The following DPP10 variants were observed in gnomAD, a reference collection of about 807,000 sequenced individuals.
The protein encoded by DPP10 is dipeptidyl peptidase like 10.
In DPP10, 33 loss-of-function variants were observed where a neutral mutation model predicts 120.9. That is an observed-to-expected ratio of 0.27 (90% CI 0.21 to 0.37). DPP10 has a LOEUF of 0.37. Among genes scored for constraint, DPP10 ranks in the 10% least tolerant of loss-of-function variants. The probability of loss-of-function intolerance (pLI) is 1.00; values close to 1 mark genes in which losing one functional copy is unlikely to be tolerated. For synonymous variants in DPP10, 337 were observed against 326.1 expected (o/e 1.03, Z -0.36); for missense variants, 816 against 942.8 (o/e 0.87, Z 1.76).
intron 19 of DPP10, chr2:115,814,583 G>C (rs1321810806): frequency 2.7e-6 from 1 of 372,364 alleles, no homozygotes; most frequent in Non-Finnish European, 4.7e-6. Context: ...ATTTCATTCA[G>C]GGAACTTTTC....
rs892237754 is a variant in DPP10, at chr2:115,196,318, C to T, written c.61-112921C>T. Among the ~76,000 whole-genome samples the T allele has an allele frequency of 4.6e-5, 7 of 152,158 alleles. No individual in the cohort carries two copies. In the East Asian group the frequency reaches 5.8e-4, roughly 13 times the overall value. ...TAACAGGACACAGTAACTTATGCTT[C>T]GTTTGAATTTTGCATCTGCCTGCTT... On this transcript the variant is annotated intron_variant, in intron 1 of 25. Coordinates refer to ENST00000410059, the MANE Select transcript of DPP10 (RefSeq NM_020868.6).
At chr2:114,518,833 G>T (rs1394801984) in intron 1 of DPP10, among the ~76,000 whole-genome samples, 2 of 152,192 alleles carry the variant, frequency 1.3e-5, no homozygotes, top group African/African-American at 2.4e-5. Flanking sequence ...CTATCTAATT[G>T]TGTGACCCTT....
At chr2:114,690,441 T>G (rs903091310) in intron 1 of DPP10, among the ~76,000 whole-genome samples, 4 of 152,106 alleles carry the variant, frequency 2.6e-5, no homozygotes, top group Non-Finnish European at 4.4e-5. Context: ...CATTGTTCTG[T>G]GTGTCTGTTC....
chr2:115,262,607 T>C (rs1172326201), intron 1 of DPP10, among the ~76,000 whole-genome samples: 5 of 152,152 alleles, frequency 3.3e-5, no homozygotes, highest in African/African-American at 9.6e-5. Context: ...ATAATTGATA[T>C]AAATAAAAAT....
rs74182886 is a variant in DPP10 at position 114,834,706 on chromosome 2, A to G, written c.60+391868A>G. On this transcript the variant is annotated intron_variant, in intron 1 of 25. Coordinates refer to ENST00000410059, the MANE Select transcript of DPP10 (RefSeq NM_020868.6). ...CTATGTATATATAAGACATATCTAC[A>G]CACCTATGTATATATAAGCCATGTC... 9.6e-4 allele frequency among the ~76,000 whole-genome samples: 101 copies of G among 104,940 alleles called. 23 individuals carry two copies. Among genetic ancestry groups the G allele is most frequent in the African/African-American group, 4.0e-3 (80 of 20,002 alleles). The allele number at this position is 104,940 out of a possible 152,430, so 68.8% of individuals were successfully genotyped here. A position where few individuals can be genotyped will look rare whatever the true frequency, so the allele number is the denominator to read the frequency against.
At chr2:115,232,107 C>T (rs1223059439) in intron 1 of DPP10, among the ~76,000 whole-genome samples, 1 of 152,150 alleles carries the variant, frequency 6.6e-6, no homozygotes, top group Non-Finnish European at 1.5e-5. Flanking sequence ...TTGTATTGTT[C>T]CAAACAAGTT....
At chr2:115,103,465 G>A (rs1328513977) in intron 1 of DPP10, among the ~76,000 whole-genome samples, 1 of 152,136 alleles carries the variant, frequency 6.6e-6, no homozygotes, top group Non-Finnish European at 1.5e-5. Flanking sequence ...TGGGATTACA[G>A]GCGTGGGCAA....
At chr2:115,456,305 A>G (rs2073536451) in intron 3 of DPP10, among the ~76,000 whole-genome samples, 1 of 152,290 alleles carries the variant, frequency 6.6e-6, no homozygotes, top group African/African-American at 2.4e-5. Flanking sequence ...AAAAGTCAGG[A>G]AACAACAGAT....
chr2:115,255,776 G>T (rs2058958011), intron 1 of DPP10, among the ~76,000 whole-genome samples: 1 of 152,128 alleles, frequency 6.6e-6, no homozygotes, highest in Non-Finnish European at 1.5e-5. Flanking sequence ...GACTACTGTG[G>T]CCTGGGCGTC....
chr2:114,526,756 T>TAG (rs1423430063), intron 1 of DPP10, among the ~76,000 whole-genome samples: 1 of 152,080 alleles, frequency 6.6e-6, no homozygotes, highest in African/African-American at 2.4e-5. Context: ...CTAATCCCAT[T>TAG]TATGAAGTCT....
At chr2:115,776,328 T>G (rs1682091791) in intron 13 of DPP10, among the ~76,000 whole-genome samples, 1 of 152,112 alleles carries the variant, frequency 6.6e-6, no homozygotes, top group Admixed American at 6.6e-5. Context: ...CAGGCGCCAT[T>G]GTTCAGCTCC....
At chr2:114,861,747 G>T (rs1242260830) in intron 1 of DPP10, among the ~76,000 whole-genome samples, 1 of 152,060 alleles carries the variant, frequency 6.6e-6, no homozygotes, top group Non-Finnish European at 1.5e-5. Context: ...CACTAAGCAG[G>T]ATCTGGTTTG....
intron 1 of DPP10, among the ~76,000 whole-genome samples, chr2:114,569,357 T>G (rs1337295272): frequency 6.6e-6 from 1 of 152,148 alleles, no homozygotes; most frequent in East Asian, 1.9e-4. Flanking sequence ...AAATCTGGAG[T>G]GAGTGCATGT....
At chr2:114,573,370 A>G (rs973050111) in intron 1 of DPP10, among the ~76,000 whole-genome samples, 3 of 152,196 alleles carry the variant, frequency 2.0e-5, no homozygotes, top group Non-Finnish European at 4.4e-5. Flanking sequence ...TGAAGTCATA[A>G]CTTACAGGCA....
intron 1 of DPP10, among the ~76,000 whole-genome samples, chr2:114,511,284 A>G (rs944604802): frequency 6.6e-6 from 1 of 152,218 alleles, no homozygotes; most frequent in African/African-American, 2.4e-5. Context: ...AGACTTTATA[A>G]AATCAATGTG....
chr2:115,099,719 T>C (rs773636244), intron 1 of DPP10, among the ~76,000 whole-genome samples: 62 of 152,038 alleles, frequency 4.1e-4, no homozygotes, highest in Non-Finnish European at 6.3e-4. Context: ...TCATGTAGAG[T>C]GCATGCTGTC....
intron 3 of DPP10, among the ~76,000 whole-genome samples, chr2:115,412,994 G>A (rs953805407): frequency 6.6e-6 from 1 of 152,082 alleles, no homozygotes; most frequent in African/African-American, 2.4e-5. Flanking sequence ...ATATTATCAA[G>A]TGTTCTACCA....
chr2:114,723,765 A>G (rs1701862430), intron 1 of DPP10, among the ~76,000 whole-genome samples: 1 of 152,174 alleles, frequency 6.6e-6, no homozygotes, highest in African/African-American at 2.4e-5. Flanking sequence ...TTCTTTGACA[A>G]GGAATTCAAA....
intron 1 of DPP10, among the ~76,000 whole-genome samples, chr2:114,563,807 A>G (rs1321439029): frequency 2.6e-5 from 4 of 152,158 alleles, no homozygotes; most frequent in African/African-American, 7.2e-5. Flanking sequence ...AGGAAAGACA[A>G]AGGCACAAAG....
Sources: allele counts gnomAD v4.1 joint callset (sites outside exome capture counted in the v4.1 genomes callset), GRCh38; gene constraint gnomAD v4.1.1; transcripts MANE v1.5; gene names NCBI Gene and HGNC (gene_info 2026-07-23, HGNC 2026-07-21).